The following NCOA1 variants were observed in gnomAD, a reference collection of about 807,000 sequenced individuals.
NCOA1 encodes the protein nuclear receptor coactivator 1, also known as Hin-2 protein.
In NCOA1, 35 loss-of-function variants were observed where a neutral mutation model predicts 150.9. The observed-to-expected ratio is 0.23, with a 90% confidence interval of 0.18 to 0.31. The LOEUF (loss-of-function observed/expected upper bound fraction) is 0.31, where lower values mean the gene tolerates loss of function less well. NCOA1 is among the 10% of genes least tolerant of loss of function. The pLI is 1.00. For synonymous variants in NCOA1, 590 were observed against 630.0 expected (o/e 0.94, Z 0.95); for missense variants, 1,491 against 1,749.3 (o/e 0.85, Z 2.63).
At position 24,643,972 on chromosome 2, in the gene NCOA1, A is replaced by G. The variant is rs929770109; in HGVS notation, c.-168A>G. On this transcript the variant is annotated 5_prime_UTR_variant, in exon 4 of 23. Coordinates refer to ENST00000348332, the MANE Select transcript of NCOA1 (RefSeq NM_003743.5). ...TTTTGTCTTTTTATTCTAGTTGTTTATATAATTGGCCTTAAATGAGGTGAG... is the reference window on the plus strand; with the variant it reads ...TTTTGTCTTTTTATTCTAGTTGTTTGTATAATTGGCCTTAAATGAGGTGAG... 6 of 151,794 alleles carry G rather than the reference A, an allele frequency of 4.0e-5. No homozygotes were observed. Among genetic ancestry groups the G allele is most frequent in the Non-Finnish European group, 5.9e-5 (4 of 67,956 alleles). 9.4% of individuals were successfully genotyped at this position (151,794 alleles called of 1,614,324 possible). A position where few individuals can be genotyped will look rare whatever the true frequency, so the allele number is the denominator to read the frequency against.
chr2:24,514,300 A>AG (rs1664064381), intron 1 of NCOA1, among the ~76,000 whole-genome samples: 1 of 150,680 alleles, frequency 6.6e-6, no homozygotes, highest in East Asian at 1.9e-4. Flanking sequence ...AAAAAAAAAA[A>AG]AAAAAAGGAA....
chr2:24,739,341 T>C, intron 17 of NCOA1, 91 bp from the exon 18 acceptor site: 1 of 932,192 alleles, frequency 1.1e-6, no homozygotes, highest in South Asian at 1.5e-5. Context: ...CTAAAACTTT[T>C]TAGTAATCAA....
chr2:24,692,939 C>A (rs1272939550), intron 9 of NCOA1, among the ~76,000 whole-genome samples: 1 of 152,218 alleles, frequency 6.6e-6, no homozygotes, highest in Non-Finnish European at 1.5e-5. Flanking sequence ...CGGCTCACTG[C>A]AAGCTCCACC....
chr2:24,498,949 G>GT lies in NCOA1; in HGVS notation c.-396+7357dup, dbSNP rs200845635. 3.3e-3 allele frequency among the ~76,000 whole-genome samples: 482 copies of GT among 148,084 alleles called. 16 individuals are homozygous for GT. In the East Asian group the frequency reaches 0.063, roughly 19 times the overall value. On this transcript the variant is annotated intron_variant, in intron 1 of 22. Transcript: ENST00000348332. ...TGTATATTTAAACACAGATTATATG[G>GT]TTTTTTTTTTGAATAGAAGTTGGTA...
Position 24,516,999 on chromosome 2 carries a change from C to CGT in NCOA1, c.-396+25398_-396+25399insTG, listed in dbSNP as rs1491306027. 2.3e-4 allele frequency among the ~76,000 whole-genome samples: 5 copies of CGT among 21,744 alleles called. No individual in the cohort carries two copies. The East Asian group carries it at 3.9e-3, about 17-fold the overall frequency. The allele number at this position is 21,744 out of a possible 152,430, so 14.3% of individuals were successfully genotyped here. A position where few individuals can be genotyped will look rare whatever the true frequency, so the allele number is the denominator to read the frequency against. On this transcript the variant is annotated intron_variant, in intron 1 of 22. Transcript: ENST00000348332. ...ACACATATACGTATATATATACACA[C>CGT]GCGCGCACACACACACACACACACA...
intron 14 of NCOA1, among the ~76,000 whole-genome samples, chr2:24,712,958 G>A (rs180974517): frequency 6.6e-6 from 1 of 152,188 alleles, no homozygotes; most frequent in African/African-American, 2.4e-5. Context: ...GGCCAGGTGC[G>A]GTGGCTCACG....
At chr2:24,668,500 G>C (rs1671533933) in intron 6 of NCOA1, among the ~76,000 whole-genome samples, 1 of 151,654 alleles carries the variant, frequency 6.6e-6, no homozygotes, top group African/African-American at 2.4e-5. Flanking sequence ...TTGAAAACTA[G>C]AATTCTAGAC....
intron 3 of NCOA1, among the ~76,000 whole-genome samples, chr2:24,600,151 T>C (rs1161066941): frequency 5.3e-5 from 8 of 152,360 alleles, no homozygotes; most frequent in Non-Finnish European, 1.0e-4. Context: ...TCTCAGAAGT[T>C]CGTCAAAGTA....
At chr2:24,594,733 T>C (rs2148342441) in intron 3 of NCOA1, among the ~76,000 whole-genome samples, 1 of 152,190 alleles carries the variant, frequency 6.6e-6, no homozygotes, top group East Asian at 1.9e-4. Flanking sequence ...CCTGATACAG[T>C]TGAAAGCATT....
chr2:24,503,978 G>A lies in NCOA1; in HGVS notation c.-396+12376G>A, dbSNP rs55823311. Among the ~76,000 whole-genome samples, 378 of 151,986 alleles carry A rather than the reference G, an allele frequency of 2.5e-3. 2 individuals are homozygous for A. Among genetic ancestry groups the A allele is most frequent in the Non-Finnish European group, 4.4e-3 (296 of 67,952 alleles). ...TTGAACTCCTGACCTCAGGTAATCC[G>A]CCTGCCTCAGCCTCCCAAAGTTCTG... is the stretch of plus-strand genomic sequence containing the variant. On this transcript the variant is annotated intron_variant, in intron 1 of 22. Transcript: ENST00000348332.
chr2:24,570,071 T>TA (rs34727984), intron 2 of NCOA1, among the ~76,000 whole-genome samples: 100 of 144,908 alleles, frequency 6.9e-4, no homozygotes, highest in African/African-American at 2.4e-3. Context: ...TTTTTTTTTT[T>TA]AGCATTCAAA....
intron 3 of NCOA1, among the ~76,000 whole-genome samples, chr2:24,622,229 A>C (rs917897011): frequency 3.3e-5 from 5 of 152,188 alleles, no homozygotes; most frequent in African/African-American, 1.2e-4. Context: ...ATGGTAAAAA[A>C]TAATTTATCC....
chr2:24,625,489 A>G (rs1248830454), intron 3 of NCOA1, among the ~76,000 whole-genome samples: 2 of 151,372 alleles, frequency 1.3e-5, no homozygotes, highest in East Asian at 3.9e-4. Context: ...AATTTTTTCT[A>G]CTGTTTTATT....
intron 3 of NCOA1, among the ~76,000 whole-genome samples, chr2:24,612,861 T>A (rs1272125172): frequency 6.6e-6 from 1 of 152,194 alleles, no homozygotes; most frequent in Non-Finnish European, 1.5e-5. Context: ...TAATTCATGC[T>A]TTGAATTCTT....
At chr2:24,730,459 A>C (rs1662946310) in intron 17 of NCOA1, among the ~76,000 whole-genome samples, 1 of 152,238 alleles carries the variant, frequency 6.6e-6, no homozygotes, top group South Asian at 2.1e-4. Context: ...GAAACAGCTT[A>C]ATTTACAAAG....
intron 2 of NCOA1, among the ~76,000 whole-genome samples, chr2:24,579,174 G>A (rs1435929634): frequency 6.6e-6 from 1 of 152,182 alleles, no homozygotes; most frequent in African/African-American, 2.4e-5. Flanking sequence ...GGTTGATGAA[G>A]AGTTCTTAGA....
intron 3 of NCOA1, among the ~76,000 whole-genome samples, chr2:24,608,794 C>T (rs1364584277): frequency 6.8e-6 from 1 of 146,384 alleles, no homozygotes; most frequent in Non-Finnish European, 1.5e-5. Flanking sequence ...GTCATGTCTT[C>T]CCAGTCTCCT....
chr2:24,540,511 T>C (rs1195432518), intron 1 of NCOA1, among the ~76,000 whole-genome samples: 1 of 150,588 alleles, frequency 6.6e-6, no homozygotes, highest in Non-Finnish European at 1.5e-5. Flanking sequence ...CAGGCTGGAG[T>C]GCAGTGGTGC....
chr2:24,698,621 CATTT>C (rs1375087786), intron 11 of NCOA1, among the ~76,000 whole-genome samples: 6 of 152,244 alleles, frequency 3.9e-5, no homozygotes, highest in Middle Eastern at 3.4e-3. Context: ...AAAATATTGT[CATTT>C]AATTATGGTA....
Sources: allele counts gnomAD v4.1 joint callset (sites outside exome capture counted in the v4.1 genomes callset), GRCh38; gene constraint gnomAD v4.1.1; transcripts MANE v1.5; gene names NCBI Gene and HGNC (gene_info 2026-07-23, HGNC 2026-07-21).